GOLM1: variants seen among roughly 807,000 people sequenced by gnomAD.
GOLM1 encodes the protein golgi membrane protein 1, also known as epididymis luminal protein 46.
A neutral mutation model predicts 50.5 loss-of-function variants in GOLM1; 31 were observed. The ratio of observed to expected loss-of-function variants is 0.61; its 90% CI spans 0.46 to 0.83. GOLM1 has a LOEUF of 0.83. Ranked by LOEUF, GOLM1 falls within the 40% of genes least tolerant of loss-of-function variation. GOLM1 has a pLI of 0.00. For synonymous variants in GOLM1, 178 were observed against 192.8 expected, an observed-to-expected ratio of 0.92 and a Z score of 0.64; for missense variants, 491 against 501.3, an observed-to-expected ratio of 0.98 and a Z score of 0.20.
At chr9:86,051,739 C>T (rs1210265975) in intron 4 of GOLM1, among the ~76,000 whole-genome samples, 4 of 151,930 alleles carry the variant, frequency 2.6e-5, no homozygotes, top group African/African-American at 7.3e-5. Context: ...GTGAGACCCC[C>T]CAACTCCCAC....
At chr9:86,051,787 C>T (rs955024344) in intron 4 of GOLM1, among the ~76,000 whole-genome samples, 21 of 152,078 alleles carry the variant, frequency 1.4e-4, no homozygotes, top group African/African-American at 4.8e-4. Flanking sequence ...TTGTGGGAAA[C>T]GTAGGGTTAC....
intron 1 of GOLM1, among the ~76,000 whole-genome samples, chr9:86,081,183 C>A (rs916532377): frequency 2.7e-5 from 4 of 150,656 alleles, no homozygotes; most frequent in Admixed American, 2.0e-4. Context: ...CCAGTGCACC[C>A]AGCCTCAATG....
intron 3 of GOLM1, among the ~76,000 whole-genome samples, chr9:86,066,952 T>C (rs1304977118): frequency 6.6e-6 from 1 of 152,036 alleles, no homozygotes; most frequent in East Asian, 1.9e-4. Flanking sequence ...ATTATTATTA[T>C]TATTTAGATG....
Position 86,096,134 on chromosome 9 carries a change from A to ACAGC in GOLM1, c.-22+3273_-22+3276dup, listed in dbSNP as rs143064766. Among the ~76,000 whole-genome samples the ACAGC allele has an allele frequency of 6.1e-3, 929 of 151,656 alleles. 21 individuals are homozygous for ACAGC. The highest frequency in any genetic ancestry group is 0.022 in the African/African-American group (894 of 41,362). On this transcript the variant is annotated intron_variant, in intron 1 of 9. Transcript: ENST00000388712. ...CCTTTTGTTGTGAGGATTAAAAATT[A>ACAGC]CAGCGGCAATAAAGTACACACCACA...
At chr9:86,072,018 TAA>T (rs1184718909) in intron 3 of GOLM1, among the ~76,000 whole-genome samples, 5 of 152,052 alleles carry the variant, frequency 3.3e-5, no homozygotes, top group Non-Finnish European at 7.4e-5. Flanking sequence ...ATCAAATCAA[TAA>T]AGACCTCAAA....
At chr9:86,052,720 A>G (rs1833797222) in intron 3 of GOLM1, 129 bp from the exon 4 acceptor site, 2 of 780,110 alleles carry the variant, frequency 2.6e-6, no homozygotes, top group Non-Finnish European at 4.6e-6. Context: ...GCTCGCACTC[A>G]GCGCTCAGGC....
rs998416233 is a variant in GOLM1 at position 86,077,652 on chromosome 9, G to T, written c.130-61C>A. On this transcript the variant is annotated intron_variant, in intron 2 of 9. Transcript: ENST00000388712. ...GTTACCTGAGGAGCCTGGACCACCT[G>T]AGCGCCCTCCACAAAGACCACCTTG... 14 of 1,263,314 alleles carry T rather than the reference G, an allele frequency of 1.1e-5. No individual in the cohort carries two copies. In the African/African-American group the frequency reaches 2.1e-4, roughly 19 times the overall value. 78.3% of individuals were successfully genotyped at this position (1,263,314 alleles called of 1,614,324 possible). A position where few individuals can be genotyped will look rare whatever the true frequency, so the allele number is the denominator to read the frequency against.
At position 86,085,450 on chromosome 9, in the gene GOLM1, T is replaced by TTTG. The variant is rs200279920; in HGVS notation, c.-21-6112_-21-6110dup. ...CTTTACAGAAATTTTGCCCAAAGTT[T>TTTG]TTGTTTTTTTTTTTTTTTTTGAAGG... On this transcript the variant is annotated intron_variant, in intron 1 of 9. Transcript: ENST00000388712. Among the ~76,000 whole-genome samples the TTTG allele has an allele frequency of 2.9e-3, 297 of 102,986 alleles. 3 individuals are homozygous for TTTG. Among genetic ancestry groups the TTTG allele is most frequent in the African/African-American group, 0.016 (246 of 15,516 alleles). 67.6% of individuals were successfully genotyped at this position (102,986 alleles called of 152,430 possible). A position where few individuals can be genotyped will look rare whatever the true frequency, so the allele number is the denominator to read the frequency against.
chr9:86,047,037 G>A (rs1259328280), intron 4 of GOLM1, among the ~76,000 whole-genome samples: 1 of 152,118 alleles, frequency 6.6e-6, no homozygotes, highest in African/African-American at 2.4e-5. Flanking sequence ...CCCTGCCCTC[G>A]GCCACCAGGC....
At position 86,051,683 on chromosome 9, in the gene GOLM1, T is replaced by C. The variant is rs568496780; in HGVS notation, c.364+854A>G. On this transcript the variant is annotated intron_variant, in intron 4 of 9. Coordinates refer to ENST00000388712, the MANE Select transcript of GOLM1 (RefSeq NM_016548.4). The stretch of plus-strand genomic sequence containing the variant: ...CCTGTGTTGACTCTGGTGGAGTTAC[T>C]TGACATGTATGCTCTATCAAAACCG... Among the ~76,000 whole-genome samples, 5 of 152,270 alleles carry C rather than the reference T, an allele frequency of 3.3e-5. No individual in the cohort carries two copies. In the South Asian group the frequency reaches 1.0e-3, roughly 32 times the overall value.
At chr9:86,096,934 A>G (rs771976327) in intron 1 of GOLM1, among the ~76,000 whole-genome samples, 1 of 152,194 alleles carries the variant, frequency 6.6e-6, no homozygotes, top group Non-Finnish European at 1.5e-5. Context: ...CATATTATAT[A>G]GTATTTATAT....
intron 3 of GOLM1, among the ~76,000 whole-genome samples, chr9:86,062,143 C>T (rs1428626975): frequency 6.6e-6 from 1 of 152,192 alleles, no homozygotes. Flanking sequence ...AACATCCTCC[C>T]ACCCCATCCA....
intron 4 of GOLM1, among the ~76,000 whole-genome samples, chr9:86,050,035 C>T (rs1445102487): frequency 3.9e-5 from 6 of 152,216 alleles, no homozygotes; most frequent in East Asian, 1.9e-4. Flanking sequence ...TTTTGAGATA[C>T]GTCCCATCAA....
intron 1 of GOLM1, among the ~76,000 whole-genome samples, chr9:86,098,368 T>TA (rs1587750969): frequency 6.6e-6 from 1 of 152,302 alleles, no homozygotes; most frequent in East Asian, 1.9e-4. Context: ...TCAGAAATAC[T>TA]AAAACTGAGA....
chr9:86,053,555 CT>C (rs1833859935), intron 3 of GOLM1, among the ~76,000 whole-genome samples: 1 of 670 alleles, frequency 1.5e-3, no homozygotes, highest in African/African-American at 3.2e-3. Context: ...CAAACACACA[CT>C]ACACACACAC....
chr9:86,093,945 C>T, intron 1 of GOLM1, among the ~76,000 whole-genome samples: 1 of 152,258 alleles, frequency 6.6e-6, no homozygotes, highest in South Asian at 2.1e-4. Flanking sequence ...AGCCACACCT[C>T]TAACTCCTTC....
chr9:86,069,949 T>TA (rs1834400551), intron 3 of GOLM1, among the ~76,000 whole-genome samples: 1 of 152,094 alleles, frequency 6.6e-6, no homozygotes, highest in Admixed American at 6.5e-5. Flanking sequence ...AGTAGTGCAG[T>TA]CCTGGCTCAC....
intron 1 of GOLM1, among the ~76,000 whole-genome samples, chr9:86,088,558 C>T (rs1181200429): frequency 1.5e-5 from 2 of 132,036 alleles, no homozygotes; most frequent in Non-Finnish European, 3.1e-5. Context: ...CAGAGGATTG[C>T]AACTCCTGGT....
At chr9:86,054,914 C>T (rs79605669) in intron 3 of GOLM1, among the ~76,000 whole-genome samples, 2,554 of 152,280 alleles carry the variant, frequency 0.017, 16 homozygotes, top group Admixed American at 0.023. Flanking sequence ...ACAAAGTTTG[C>T]AAATAATCCA....
Sources: gnomAD v4.1 joint callset for allele counts (sites outside exome capture counted in the v4.1 genomes callset) on GRCh38, gnomAD v4.1.1 for gene constraint, MANE v1.5 for transcripts, NCBI Gene and HGNC (gene_info 2026-07-23, HGNC 2026-07-21) for gene names.